Variants in ADCYAP1R1 observed in about 807,000 individuals in gnomAD.
ADCYAP1R1 encodes ADCYAP receptor type I.
In ADCYAP1R1, 44 loss-of-function variants were observed where a neutral mutation model predicts 67.6. The observed-to-expected ratio is 0.65, with a 90% CI of 0.51 to 0.84. The LOEUF (loss-of-function observed/expected upper bound fraction) is 0.84, where lower values mean the gene tolerates loss of function less well. Ranked by LOEUF, ADCYAP1R1 falls within the 40% of genes least tolerant of loss-of-function variation. The pLI, the probability that ADCYAP1R1 is intolerant of heterozygous loss-of-function variation, is 0.00. For missense variants in ADCYAP1R1, 477 were observed against 587.9 expected (o/e 0.81, Z 1.95); for synonymous variants, 222 against 219.6 (o/e 1.01, Z -0.10).
rs200618638 is a variant in ADCYAP1R1 at position 31,087,016 on chromosome 7, G to A, written c.884+13G>A. On this transcript the variant is annotated intron_variant, in intron 11 of 15. Coordinates refer to ENST00000304166, the MANE Select transcript of ADCYAP1R1 (RefSeq NM_001118.5). ...TTGATGACACAGGGTTAGTACATGC[G>A]CGAGAGTCAGGGCCACAGCACAGAG... The A allele has an allele frequency of 3.3e-5, 53 of 1,614,076 alleles. No individual in the cohort carries two copies. In the African/African-American group the frequency reaches 4.0e-4, roughly 12 times the overall value.
rs1448277920 is a variant in ADCYAP1R1 at position 31,081,722 on chromosome 7, AT to A, written c.300del (p.Phe100LeufsTer7). The A allele has an allele frequency of 1.9e-6, 3 of 1,598,266 alleles. No individual in the cohort carries two copies. The highest frequency in any genetic ancestry group is 2.6e-6 in the Non-Finnish European group (3 of 1,172,500). On this transcript the variant is annotated frameshift_variant, in exon 6 of 16. Coordinates refer to ENST00000304166, the MANE Select transcript of ADCYAP1R1 (RefSeq NM_001118.5). LOFTEE classifies it high-confidence loss of function. ...TGTCTGTATTTTTCAGGAGAGTCTG[AT>A]TTTGGTGACAGTAACTCCTTAGATC... ...VWETETIGES[D>X]FGDSNSLDLS...
At chr7:31,087,295 T>C (rs1009512050) in intron 11 of ADCYAP1R1, among the ~76,000 whole-genome samples, 1 of 152,186 alleles carries the variant, frequency 6.6e-6, no homozygotes, top group Admixed American at 6.5e-5. Context: ...TGAAGCATGT[T>C]GAGGGGGAGG....
chr7:31,086,271 A>T lies in ADCYAP1R1; in HGVS notation c.670-113A>T. The stretch of plus-strand genomic sequence containing the variant: ...TTGATCCAGGAATATTGACTCTCTT[A>T]GATCCTTGGGATGTTTGAACCTGAG... On this transcript the variant is annotated intron_variant, in intron 9 of 15. Coordinates refer to ENST00000304166, the MANE Select transcript of ADCYAP1R1 (RefSeq NM_001118.5). This position sits in a 1 kb window ranked among gnomAD's most constrained non-coding sequence, Gnocchi z 5.0. The T allele has an allele frequency of 9.2e-7, 1 of 1,091,226 alleles. No individual in the cohort carries two copies. Among genetic ancestry groups the T allele is most frequent in the Non-Finnish European group, 1.3e-6 (1 of 766,180 alleles). 67.6% of individuals were successfully genotyped at this position (1,091,226 alleles called of 1,614,324 possible). A position where few individuals can be genotyped will look rare whatever the true frequency, so the allele number is the denominator to read the frequency against.
At position 31,104,903 on chromosome 7, in the gene ADCYAP1R1, T is replaced by C. The variant is rs1164898528; in HGVS notation, c.1212T>C (p.Asn404=). 3 of 1,614,072 alleles carry C rather than the reference T, an allele frequency of 1.9e-6. No homozygotes were observed. Among genetic ancestry groups the C allele is most frequent in the Non-Finnish European group, 1.7e-6 (2 of 1,180,034 alleles). ...TGGCTGTTCTCTACTGTTTTCTGAA[T>C]GGTGAGGTAAGACCTTGGCCCTCTG... ...FVVAVLYCFL[N]GEVQAEIKRK... Residue 404 remains asparagine (N), a synonymous_variant, in exon 15 of 16, where the codon AAT becomes AAC. Coordinates refer to ENST00000304166, the MANE Select transcript of ADCYAP1R1 (RefSeq NM_001118.5).
chr7:31,087,661 T>C lies in ADCYAP1R1; in HGVS notation c.919T>C (p.Trp307Arg). The C allele has an allele frequency of 6.2e-7, 1 of 1,613,904 alleles. No individual in the cohort carries two copies. Among genetic ancestry groups the C allele is most frequent in the Non-Finnish European group, 8.5e-7 (1 of 1,179,910 alleles). Reference protein sequence around the residue: ...WDMNDSTALWWVIKGPVVGSI... With the variant: ...WDMNDSTALWRVIKGPVVGSI... ...TATGAATGACAGCACAGCTCTGTGG[T>C]GGGTGATCAAAGGCCCTGTGGTTGG... is the stretch of plus-strand genomic sequence containing the variant. Residue 307 changes from tryptophan (W) to arginine (R), a missense_variant, in exon 12 of 16, where the codon TGG (tryptophan) becomes CGG (arginine). Transcript: ENST00000304166.
rs1003346476 is a variant in ADCYAP1R1 at position 31,109,185 on chromosome 7, G to C, written c.*2501G>C. 6.6e-6 allele frequency: 1 copy of C among 152,206 alleles called. No homozygotes were observed. The highest frequency in any genetic ancestry group is 1.5e-5 in the Non-Finnish European group (1 of 68,082). The allele number at this position is 152,206 out of a possible 1,614,324, so 9.4% of individuals were successfully genotyped here. A position where few individuals can be genotyped will look rare whatever the true frequency, so the allele number is the denominator to read the frequency against. ...CTCATAGAGGTGCCGGGTTCCTATTGGTTAGTTGGTTGTTTTTCCGTCTGA... is the reference window on the plus strand; with the variant it reads ...CTCATAGAGGTGCCGGGTTCCTATTCGTTAGTTGGTTGTTTTTCCGTCTGA... On this transcript the variant is annotated 3_prime_UTR_variant, in exon 16 of 16. Transcript: ENST00000304166.
Position 31,086,437 on chromosome 7 carries a change from C to A in ADCYAP1R1, c.723C>A (p.Tyr241Ter). ...TCCACTACTGTGTTGTGTCCAACTACTTCTGGCTGTTCATCGAGGGCCTGT... is the reference window on the plus strand; with the variant it reads ...TCCACTACTGTGTTGTGTCCAACTAATTCTGGCTGTTCATCGAGGGCCTGT... ...VFFHYCVVSN[Y>*]FWLFIEGLYL... The change falls in exon 10 of 16, where the codon TAC becomes TAA. Residue 241 changes from tyrosine (Y) to a stop codon, truncating the protein, a stop_gained. Coordinates refer to ENST00000304166, the MANE Select transcript of ADCYAP1R1 (RefSeq NM_001118.5). LOFTEE classifies it high-confidence loss of function. The surrounding 1 kb of genome is among the most constrained non-coding windows in gnomAD (Gnocchi z 5.0). The A allele has an allele frequency of 6.2e-7, 1 of 1,614,228 alleles. No homozygotes were observed. The highest frequency in any genetic ancestry group is 8.5e-7 in the Non-Finnish European group (1 of 1,180,036).
chr7:31,076,213 T>C (rs1795205671), intron 3 of ADCYAP1R1, among the ~76,000 whole-genome samples: 1 of 152,212 alleles, frequency 6.6e-6, no homozygotes, highest in Non-Finnish European at 1.5e-5. Flanking sequence ...TACCAGCACC[T>C]GCATTCGGTC....
chr7:31,086,866 G>A lies in ADCYAP1R1; in HGVS notation c.824-77G>A, dbSNP rs567961206. ...TCTCATGGGGGAGCAATAGCCTCTC[G>A]GAGCCCCAGGTCTACGGTGGACATT... is the stretch of plus-strand genomic sequence containing the variant. On this transcript the variant is annotated intron_variant, in intron 10 of 15. Coordinates refer to ENST00000304166, the MANE Select transcript of ADCYAP1R1 (RefSeq NM_001118.5). The surrounding 1 kb of genome is among the most constrained non-coding windows in gnomAD (Gnocchi z 5.0). The A allele has an allele frequency of 4.4e-5, 65 of 1,478,556 alleles. No individual in the cohort carries two copies. In the Admixed American group the frequency reaches 7.0e-4, roughly 16 times the overall value. 91.6% of individuals were successfully genotyped at this position (1,478,556 alleles called of 1,614,324 possible).
intron 1 of ADCYAP1R1, chr7:31,057,190 C>G (rs924230427): frequency 2.0e-5 from 3 of 152,490 alleles, no homozygotes; most frequent in Non-Finnish European, 4.4e-5. Flanking sequence ...TCCTCTCATT[C>G]GCTCCGTCCT....
chr7:31,060,926 T>C (rs1794475948), intron 1 of ADCYAP1R1, among the ~76,000 whole-genome samples: 1 of 152,248 alleles, frequency 6.6e-6, no homozygotes, highest in Non-Finnish European at 1.5e-5. Context: ...TAAACAACAC[T>C]GCTGCCCGAA....
chr7:31,057,737 A>T (rs1794312968), intron 1 of ADCYAP1R1, among the ~76,000 whole-genome samples: 1 of 152,118 alleles, frequency 6.6e-6, no homozygotes, highest in African/African-American at 2.4e-5. Context: ...GCAGTGTTTC[A>T]TCTTTCAGCC....
chr7:31,105,570 G>A (rs1217405880), intron 15 of ADCYAP1R1, among the ~76,000 whole-genome samples: 1 of 152,230 alleles, frequency 6.6e-6, no homozygotes, highest in East Asian at 1.9e-4. Context: ...TGGCTAGGGT[G>A]GATTTGAGAG....
chr7:31,054,180 C>T (rs1794146289), intron 1 of ADCYAP1R1, among the ~76,000 whole-genome samples: 2 of 152,168 alleles, frequency 1.3e-5, no homozygotes, highest in South Asian at 2.1e-4. Context: ...TCCAACTGAT[C>T]CATCAACAAG....
intron 9 of ADCYAP1R1, among the ~76,000 whole-genome samples, chr7:31,085,829 G>A (rs558282466): frequency 6.6e-6 from 1 of 152,268 alleles, no homozygotes; most frequent in African/African-American, 2.4e-5. Flanking sequence ...GATTGGCCAG[G>A]GGTCTTTCCA....
At chr7:31,085,280 G>A (rs375749638) in intron 8 of ADCYAP1R1, 30 bp from the exon 9 acceptor site, 28 of 1,605,192 alleles carry the variant, frequency 1.7e-5, no homozygotes, top group Non-Finnish European at 2.3e-5. Flanking sequence ...GGGGTCCAAG[G>A]CTTCTTTCTC....
At chr7:31,052,906 C>A (rs1056913833) in intron 1 of ADCYAP1R1, among the ~76,000 whole-genome samples, 1 of 152,064 alleles carries the variant, frequency 6.6e-6, no homozygotes, top group Non-Finnish European at 1.5e-5. Context: ...CAGGCTGACA[C>A]CCCCCAACCC....
intron 1 of ADCYAP1R1, among the ~76,000 whole-genome samples, chr7:31,060,537 T>A (rs1794458571): frequency 6.6e-6 from 1 of 151,922 alleles, no homozygotes; most frequent in African/African-American, 2.4e-5. Context: ...TGTCGGTCCC[T>A]GAAGGAATCT....
intron 6 of ADCYAP1R1, 123 bp from the exon 7 acceptor site, chr7:31,084,018 C>G (rs1795629747): frequency 5.4e-6 from 4 of 747,284 alleles, no homozygotes; most frequent in Non-Finnish European, 9.2e-6. Flanking sequence ...AAACCTTTCC[C>G]CATGCTTCCC....
Sources: gnomAD v4.1 joint callset for allele counts (sites outside exome capture counted in the v4.1 genomes callset) on GRCh38, gnomAD v4.1.1 for gene constraint, Gnocchi (gnomAD v3.1) non-coding constraint, MANE v1.5 for transcripts, NCBI Gene and HGNC (gene_info 2026-07-23, HGNC 2026-07-21) for gene names.